The following NBEA variants were observed in gnomAD, a reference collection of about 807,000 sequenced individuals.
NBEA encodes the protein neurobeachin, also known as lysosomal-trafficking regulator 2.
Under a neutral mutation model 343.4 loss-of-function variants are expected in NBEA, and 44 were observed. That is an observed-to-expected ratio of 0.13 (90% CI 0.10 to 0.16). The LOEUF is 0.16. Among genes scored for constraint, NBEA ranks in the 10% least tolerant of loss-of-function variants. NBEA has a pLI of 1.00. For missense variants in NBEA, 2,555 were observed against 3,631.3 expected (o/e 0.70, Z 7.62); for synonymous variants, 1,175 against 1,238.7 (o/e 0.95, Z 1.08).
chr13:34,989,801 C>T (rs1265023935), intron 1 of NBEA, among the ~76,000 whole-genome samples: 1 of 150,860 alleles, frequency 6.6e-6, no homozygotes, highest in African/African-American at 2.4e-5. Flanking sequence ...CAAGGCACGT[C>T]TATTTGCCTA....
intron 47 of NBEA, among the ~76,000 whole-genome samples, chr13:35,600,500 G>C (rs2081998353): frequency 6.6e-6 from 1 of 152,036 alleles, no homozygotes; most frequent in African/African-American, 2.4e-5. Flanking sequence ...CTTTGGTACT[G>C]GGTAAACTCT....
chr13:35,352,135 C>T, intron 37 of NBEA, 22 bp from the exon 38 acceptor site: 1 of 1,373,098 alleles, frequency 7.3e-7, no homozygotes, highest in Non-Finnish European at 9.6e-7. Context: ...TATTATTATG[C>T]ATCATTTGTA....
At chr13:34,954,846 T>G (rs911503595) in intron 1 of NBEA, among the ~76,000 whole-genome samples, 1 of 152,228 alleles carries the variant, frequency 6.6e-6, no homozygotes, top group African/African-American at 2.4e-5. Context: ...TCAATACAGA[T>G]GCAACCATCT....
chr13:35,367,852 A>C (rs1373300069), intron 38 of NBEA, among the ~76,000 whole-genome samples: 1 of 151,534 alleles, frequency 6.6e-6, no homozygotes, highest in Non-Finnish European at 1.5e-5. Context: ...GAATAAGCTA[A>C]GTGTTCTTAT....
intron 38 of NBEA, among the ~76,000 whole-genome samples, chr13:35,352,658 T>A (rs1226817478): frequency 2.6e-5 from 4 of 152,086 alleles, no homozygotes; most frequent in Non-Finnish European, 5.9e-5. Flanking sequence ...TAAAAAAGAA[T>A]CTTTTAGAGT....
intron 11 of NBEA, among the ~76,000 whole-genome samples, chr13:35,099,447 G>A (rs1374461694): frequency 2.6e-5 from 4 of 152,104 alleles, no homozygotes; most frequent in South Asian, 2.1e-4. Flanking sequence ...TGATCTGCCC[G>A]CCTTGGACTC....
intron 41 of NBEA, among the ~76,000 whole-genome samples, chr13:35,508,395 T>C (rs1256040966): frequency 6.6e-6 from 1 of 152,206 alleles, no homozygotes; most frequent in Non-Finnish European, 1.5e-5. Context: ...ACTATTAAGG[T>C]ATTTCAAGCA....
chr13:35,058,882 T>G lies in NBEA; in HGVS notation c.1239+19T>G. 1 of 1,558,590 alleles carries G rather than the reference T, an allele frequency of 6.4e-7. No individual in the cohort carries two copies. Among genetic ancestry groups the G allele is most frequent in the Non-Finnish European group, 8.7e-7 (1 of 1,150,800 alleles). ...ATATAAGGTAGTAATAACTGTAATT[T>G]TATAAATTCTATGGAGAGTTTTAGA... On this transcript the variant is annotated intron_variant, in intron 8 of 58. Transcript: ENST00000379939.
chr13:35,304,407 T>C (rs962543005), intron 35 of NBEA, among the ~76,000 whole-genome samples: 1 of 151,754 alleles, frequency 6.6e-6, no homozygotes, highest in Non-Finnish European at 1.5e-5. Context: ...CAGACTGGAG[T>C]GCATTGGCGC....
At chr13:35,522,004 C>G (rs1014388916) in intron 41 of NBEA, among the ~76,000 whole-genome samples, 1 of 152,106 alleles carries the variant, frequency 6.6e-6, no homozygotes, top group Non-Finnish European at 1.5e-5. Flanking sequence ...CAGAGAGGAG[C>G]AGGACATTCC....
intron 44 of NBEA, among the ~76,000 whole-genome samples, chr13:35,563,440 C>A (rs1327108592): frequency 6.6e-6 from 1 of 151,796 alleles, no homozygotes; most frequent in Admixed American, 6.6e-5. Flanking sequence ...AATACTAATT[C>A]ATGATTAAAA....
At chr13:35,076,146 T>C (rs915908139) in intron 10 of NBEA, among the ~76,000 whole-genome samples, 5 of 151,928 alleles carry the variant, frequency 3.3e-5, no homozygotes, top group Non-Finnish European at 5.9e-5. Flanking sequence ...AAAATATTTG[T>C]ATTAGGCTAT....
intron 1 of NBEA, among the ~76,000 whole-genome samples, chr13:35,039,621 A>G (rs1026805341): frequency 3.3e-5 from 5 of 152,208 alleles, no homozygotes; most frequent in Admixed American, 1.3e-4. Context: ...AGATAATAAT[A>G]GTGTCATAAT....
At chr13:35,371,265 T>G (rs1344899048) in intron 38 of NBEA, among the ~76,000 whole-genome samples, 2 of 152,230 alleles carry the variant, frequency 1.3e-5, no homozygotes, top group African/African-American at 4.8e-5. Context: ...ATTTAGTAGC[T>G]TTGTGATGTG....
intron 38 of NBEA, among the ~76,000 whole-genome samples, chr13:35,394,413 T>C (rs565650742): frequency 2.0e-5 from 3 of 152,262 alleles, no homozygotes; most frequent in Admixed American, 6.6e-5. Flanking sequence ...TATGTGATCA[T>C]TGATGAAAAC....
At chr13:35,067,615 A>G (rs2063702679) in intron 8 of NBEA, among the ~76,000 whole-genome samples, 1 of 152,078 alleles carries the variant, frequency 6.6e-6, no homozygotes, top group African/African-American at 2.4e-5. Context: ...ATTCTCATCC[A>G]TCTCCTCCTA....
chr13:35,594,535 A>C (rs1398432153), intron 47 of NBEA, among the ~76,000 whole-genome samples: 1 of 152,152 alleles, frequency 6.6e-6, no homozygotes, highest in African/African-American at 2.4e-5. Context: ...ACATATTTAC[A>C]TTTGTAAAAA....
chr13:35,373,579 C>A (rs1286018710), intron 38 of NBEA, among the ~76,000 whole-genome samples: 2 of 151,560 alleles, frequency 1.3e-5, no homozygotes, highest in Non-Finnish European at 2.9e-5. Context: ...GTGGTGCATG[C>A]CTGTAGTCCC....
chr13:35,384,120 G>A (rs572169615), intron 38 of NBEA, among the ~76,000 whole-genome samples: 110 of 152,176 alleles, frequency 7.2e-4, no homozygotes, highest in African/African-American at 2.5e-3. Context: ...GGTAGCATGC[G>A]GAAGTCACTA....
Sources: allele counts gnomAD v4.1 joint callset (sites outside exome capture counted in the v4.1 genomes callset), GRCh38; gene constraint gnomAD v4.1.1; transcripts MANE v1.5; gene names NCBI Gene and HGNC (gene_info 2026-07-23, HGNC 2026-07-21).